Variants in FRA10AC1 observed in about 807,000 individuals in gnomAD.
The protein encoded by FRA10AC1 is FRA10A associated CGG repeat 1.
Under a neutral mutation model 56.5 loss-of-function variants are expected in FRA10AC1, and 43 were observed. The ratio of observed to expected loss-of-function variants is 0.76; its 90% CI spans 0.60 to 0.98. The LOEUF is 0.98. Ranked by LOEUF, FRA10AC1 falls within the 50% of genes least tolerant of loss-of-function variation. The pLI is 0.00. For synonymous variants in FRA10AC1, 112 were observed against 110.5 expected (o/e 1.01, Z -0.09); for missense variants, 346 against 351.8 (o/e 0.98, Z 0.13).
intron 7 of FRA10AC1, among the ~76,000 whole-genome samples, chr10:93,688,435 C>A (rs369948365): frequency 5.3e-5 from 8 of 152,060 alleles, no homozygotes; most frequent in Non-Finnish European, 7.4e-5. Flanking sequence ...GGTAGACACA[C>A]GTCATTACAC....
chr10:93,697,774 A>C (rs1564822393), intron 4 of FRA10AC1, among the ~76,000 whole-genome samples: 1 of 152,218 alleles, frequency 6.6e-6, no homozygotes, highest in Non-Finnish European at 1.5e-5. Flanking sequence ...TAGAGACCTT[A>C]AATAGCAAAG....
At chr10:93,674,864 C>G (rs534693871) in intron 12 of FRA10AC1, 1 of 152,342 alleles carries the variant, frequency 6.6e-6, no homozygotes, top group South Asian at 2.1e-4. Context: ...TCACACCTCT[C>G]ACTGTTGGAA....
intron 8 of FRA10AC1, 112 bp from the exon 9 acceptor site, chr10:93,685,471 G>A (rs1414526275): frequency 1.7e-6 from 1 of 586,120 alleles, no homozygotes; most frequent in Non-Finnish European, 3.0e-6. Flanking sequence ...ACCATAGTCA[G>A]CCTTTAAAAA....
chr10:93,691,548 T>C (rs1487031186), intron 7 of FRA10AC1, among the ~76,000 whole-genome samples: 1 of 152,214 alleles, frequency 6.6e-6, no homozygotes, highest in Non-Finnish European at 1.5e-5. Flanking sequence ...TTAGCACTGA[T>C]TGAAATGTTA....
chr10:93,694,028 A>T (rs1353563072), intron 5 of FRA10AC1, among the ~76,000 whole-genome samples: 1 of 152,062 alleles, frequency 6.6e-6, no homozygotes, highest in Non-Finnish European at 1.5e-5. Context: ...TCACCACTAA[A>T]GAACTTATCC....
chr10:93,671,441 T>C (rs1269260746), intron 12 of FRA10AC1: 1 of 153,096 alleles, frequency 6.5e-6, no homozygotes, highest in Non-Finnish European at 1.5e-5. Context: ...AATCTGGCAA[T>C]ATAGATCAGT....
At position 93,685,274 on chromosome 10, in the gene FRA10AC1, A is replaced by C; in HGVS notation, c.597T>G (p.Gly199=). The C allele has an allele frequency of 6.4e-7, 1 of 1,562,544 alleles. No homozygotes were observed. Among genetic ancestry groups the C allele is most frequent in the Non-Finnish European group, 8.8e-7 (1 of 1,135,558 alleles). The change falls in exon 9 of 14, where the codon GGT becomes GGG. Residue 199 remains glycine, a synonymous_variant. Coordinates refer to ENST00000359204, the MANE Select transcript of FRA10AC1 (RefSeq NM_145246.5). ...WEVNFGYIEH[G]EKRNALVKLR... is the part of the protein sequence containing the mutation. ...ATTTAACAAGTGCATTTCTCTTCTC[A>C]CCATGCTCAATATAACCAAAATTAA...
intron 4 of FRA10AC1, among the ~76,000 whole-genome samples, chr10:93,696,066 G>A (rs1288484542): frequency 6.6e-6 from 1 of 152,212 alleles, no homozygotes; most frequent in Non-Finnish European, 1.5e-5. Context: ...AGTAGGCAAA[G>A]ATGTACTTCT....
chr10:93,697,674 G>C (rs2133943012), intron 4 of FRA10AC1, among the ~76,000 whole-genome samples: 1 of 152,244 alleles, frequency 6.6e-6, no homozygotes, highest in South Asian at 2.1e-4. Flanking sequence ...CAGGCCTGAG[G>C]ACAGTCCACA....
chr10:93,687,395 A>C lies in FRA10AC1; in HGVS notation c.511+9T>G, dbSNP rs1348251502. The C allele has an allele frequency of 6.7e-7, 1 of 1,492,448 alleles. No individual in the cohort carries two copies. Among genetic ancestry groups the C allele is most frequent in the East Asian group, 2.4e-5 (1 of 41,752 alleles). The allele number at this position is 1,492,448 out of a possible 1,614,324, so 92.5% of individuals were successfully genotyped here. A position where few individuals can be genotyped will look rare whatever the true frequency, so the allele number is the denominator to read the frequency against. ...ATCCTATTAAAAAGTAAAAATTTTA[A>C]AGAATTACCTTTTCCTGAAATTACT... is the stretch of plus-strand genomic sequence containing the variant. On this transcript the variant is annotated intron_variant, in intron 8 of 13. Transcript: ENST00000359204.
At chr10:93,677,934 G>A (rs532854927) in intron 11 of FRA10AC1, among the ~76,000 whole-genome samples, 2 of 152,324 alleles carry the variant, frequency 1.3e-5, no homozygotes, top group Admixed American at 6.5e-5. Flanking sequence ...TGAATTCACT[G>A]ATTCACTCAC....
At chr10:93,698,904 A>T (rs2059281104) in intron 2 of FRA10AC1, among the ~76,000 whole-genome samples, 1 of 152,216 alleles carries the variant, frequency 6.6e-6, no homozygotes, top group African/African-American at 2.4e-5. Flanking sequence ...TAAAACATTA[A>T]GACACTTTTT....
chr10:93,677,015 T>A (rs145382961), intron 11 of FRA10AC1, among the ~76,000 whole-genome samples: 43 of 152,340 alleles, frequency 2.8e-4, no homozygotes, highest in African/African-American at 1.0e-3. Context: ...AGCAATAATT[T>A]ATTATCTATA....
chr10:93,687,577 C>T, intron 7 of FRA10AC1, 128 bp from the exon 8 acceptor site: 1 of 904,566 alleles, frequency 1.1e-6, no homozygotes, highest in Non-Finnish European at 1.6e-6. Context: ...AGATTTTTCT[C>T]TTCTTATAGG....
intron 9 of FRA10AC1, among the ~76,000 whole-genome samples, chr10:93,684,322 T>C (rs2058987542): frequency 6.6e-6 from 1 of 152,142 alleles, no homozygotes; most frequent in African/African-American, 2.4e-5. Context: ...AACACTATTT[T>C]AGAAAAATGT....
intron 5 of FRA10AC1, among the ~76,000 whole-genome samples, chr10:93,693,715 T>C (rs1160665631): frequency 1.4e-5 from 2 of 147,608 alleles, no homozygotes; most frequent in Non-Finnish European, 3.0e-5. Flanking sequence ...ACACACCATT[T>C]ATATATACCA....
Position 93,692,698 on chromosome 10 carries a change from G to T in FRA10AC1, c.328C>A (p.Arg110=). 12 of 1,592,100 alleles carry T rather than the reference G, an allele frequency of 7.5e-6. No homozygotes were observed. Among genetic ancestry groups the T allele is most frequent in the Non-Finnish European group, 9.4e-6 (11 of 1,171,056 alleles). Residue 110 remains arginine, a synonymous_variant, in exon 6 of 14, where the codon CGA becomes AGA. Transcript: ENST00000359204. ...TTCCATAGGAATCTATGATTTTCTC[G>T]TATAACATCCAAGTCTGTCTTGTCA... ...ENDKTDLDVI[R]ENHRFLWNEE... is the part of the protein sequence containing the mutation.
chr10:93,694,375 A>G (rs2059192220), intron 5 of FRA10AC1, among the ~76,000 whole-genome samples: 3 of 152,086 alleles, frequency 2.0e-5, no homozygotes, highest in Admixed American at 2.0e-4. Context: ...GGGATTCATG[A>G]AGAGCTACTC....
chr10:93,687,404 C>A lies in FRA10AC1; in HGVS notation c.511G>T (p.Gly171Cys). 1 of 1,503,592 alleles carries A rather than the reference C, an allele frequency of 6.7e-7. No individual in the cohort carries two copies. Among genetic ancestry groups the A allele is most frequent in the Non-Finnish European group, 9.0e-7 (1 of 1,108,384 alleles). 93.1% of individuals were successfully genotyped at this position (1,503,592 alleles called of 1,614,324 possible). A position where few individuals can be genotyped will look rare whatever the true frequency, so the allele number is the denominator to read the frequency against. ...AAAAGTAAAAATTTTAAAGAATTAC[C>A]TTTTCCTGAAATTACTTCTTTTTCT... ...RVEKEVISGK[G>C]QFFCGNKYCD... The change falls in exon 8 of 14, where the codon GGT (glycine) becomes TGT (cysteine). Residue 171 changes from glycine to cysteine, a missense_variant and splice_region_variant. Coordinates refer to ENST00000359204, the MANE Select transcript of FRA10AC1 (RefSeq NM_145246.5).
Sources: allele counts gnomAD v4.1 joint callset (sites outside exome capture counted in the v4.1 genomes callset), GRCh38; gene constraint gnomAD v4.1.1; transcripts MANE v1.5; gene names NCBI Gene and HGNC (gene_info 2026-07-23, HGNC 2026-07-21).